Variants in CIT observed in about 807,000 individuals in gnomAD.
The protein encoded by CIT is citron rho-interacting serine/threonine kinase, also known as citron Rho-interacting kinase.
CIT carries 79 observed loss-of-function variants against 272.7 expected under a neutral mutation model. That is an observed-to-expected ratio of 0.29 (90% confidence interval 0.24 to 0.35). The LOEUF (loss-of-function observed/expected upper bound fraction) is 0.35. CIT is among the 10% of genes least tolerant of loss of function. The probability of loss-of-function intolerance (pLI) is 1.00; values close to 1 mark genes in which losing one functional copy is unlikely to be tolerated. For missense variants in CIT, 1,909 were observed against 2,618.3 expected (o/e 0.73, Z 5.91); for synonymous variants, 948 against 995.6 (o/e 0.95, Z 0.90).
intron 24 of CIT, among the ~76,000 whole-genome samples, chr12:119,740,865 C>T (rs912722919): frequency 7.9e-5 from 12 of 152,174 alleles, no homozygotes; most frequent in African/African-American, 2.9e-4. Flanking sequence ...AGGAAATCCA[C>T]AGACATTTTA....
intron 25 of CIT, 147 bp from the exon 26 acceptor site, chr12:119,734,504 C>T: frequency 2.4e-6 from 2 of 829,836 alleles, no homozygotes; most frequent in Non-Finnish European, 1.9e-6. Flanking sequence ...CCCAAGGGGA[C>T]CAGGCAAGAA....
Position 119,804,472 on chromosome 12 carries a change from G to C in CIT, c.1112-1083C>G, listed in dbSNP as rs942890888. 1.0e-6 allele frequency: 1 copy of C among 985,784 alleles called. No individual in the cohort carries two copies. The highest frequency in any genetic ancestry group is 1.2e-6 in the Non-Finnish European group (1 of 830,196). 61.1% of individuals were successfully genotyped at this position (985,784 alleles called of 1,614,324 possible). ...CACCTGGCTGCCGCCTGCCTGCCAGGGGCCAGTGCTGATCCCAGTGACAGA... is the reference window on the plus strand; with the variant it reads ...CACCTGGCTGCCGCCTGCCTGCCAGCGGCCAGTGCTGATCCCAGTGACAGA... On this transcript the variant is annotated intron_variant, in intron 9 of 47. Transcript: ENST00000392521. The surrounding 1 kb of genome is among the most constrained non-coding windows in gnomAD (Gnocchi z 5.3).
Position 119,734,265 on chromosome 12 carries a change from C to T in CIT, c.3249G>A (p.Arg1083=), listed in dbSNP as rs1413554566. ...GGACGCTCCTCCAGGCCTCCCACTG[C>T]CGCTCTTTTTCTAGCAGCTCATCGT... ...ALNDELLEKE[R]QWEAWRSVLG... The change falls in exon 26 of 48, where the codon CGG becomes CGA. Residue 1083 remains arginine (R), a synonymous_variant. Coordinates refer to ENST00000392521, the MANE Select transcript of CIT (RefSeq NM_001206999.2). 6.2e-7 allele frequency: 1 copy of T among 1,614,022 alleles called. No homozygotes were observed. The highest frequency in any genetic ancestry group is 1.3e-5 in the African/African-American group (1 of 75,000).
chr12:119,744,121 C>G (rs1322537115), intron 23 of CIT, among the ~76,000 whole-genome samples: 1 of 152,036 alleles, frequency 6.6e-6, no homozygotes, highest in African/African-American at 2.4e-5. Flanking sequence ...GTCATTCAAG[C>G]GAGAGATGAT....
intron 5 of CIT, among the ~76,000 whole-genome samples, chr12:119,844,990 C>T (rs754930683): frequency 3.8e-4 from 58 of 152,096 alleles, no homozygotes; most frequent in South Asian, 1.0e-3. Flanking sequence ...CATGGTGGCA[C>T]GCGCCTGTAA....
chr12:119,755,086 G>C (rs1960767817), intron 22 of CIT, among the ~76,000 whole-genome samples: 1 of 152,214 alleles, frequency 6.6e-6, no homozygotes. Context: ...TAAGGCTCAT[G>C]CCTGTAATCC....
intron 9 of CIT, among the ~76,000 whole-genome samples, chr12:119,820,759 T>G (rs1011185974): frequency 2.0e-5 from 3 of 152,020 alleles, no homozygotes; most frequent in African/African-American, 7.3e-5. Context: ...TCACTTGAGC[T>G]CAGGAGTTCA....
intron 23 of CIT, among the ~76,000 whole-genome samples, chr12:119,747,335 C>T (rs569622865): frequency 6.6e-6 from 1 of 151,720 alleles, no homozygotes; most frequent in East Asian, 1.9e-4. Flanking sequence ...GTAGGAAAAT[C>T]GCTTGAACCC....
chr12:119,710,239 T>C lies in CIT; in HGVS notation c.5071+12A>G. 3 of 1,611,712 alleles carry C rather than the reference T, an allele frequency of 1.9e-6. No individual in the cohort carries two copies. The highest frequency in any genetic ancestry group is 2.5e-6 in the Non-Finnish European group (3 of 1,179,416). On this transcript the variant is annotated intron_variant, in intron 39 of 47. Transcript: ENST00000392521. This position sits in a 1 kb window ranked among gnomAD's most constrained non-coding sequence, Gnocchi z 5.6. ...AAAGTAAAGAAAAAACACCATGTCCTTGGCCTCACACCTGCTATCATGAGT... is the reference window on the plus strand; with the variant it reads ...AAAGTAAAGAAAAAACACCATGTCCCTGGCCTCACACCTGCTATCATGAGT...
chr12:119,795,756 C>T (rs529073808), intron 10 of CIT, among the ~76,000 whole-genome samples: 1 of 152,312 alleles, frequency 6.6e-6, no homozygotes, highest in South Asian at 2.1e-4. Flanking sequence ...ATAATCTAAT[C>T]TTCCTGAATC....
chr12:119,767,307 T>A, intron 18 of CIT, 125 bp from the exon 19 acceptor site: 1 of 682,858 alleles, frequency 1.5e-6, no homozygotes, highest in Non-Finnish European at 2.4e-6. Flanking sequence ...GGTCCTCCAT[T>A]ACTAGCCTAA....
chr12:119,723,790 C>T (rs1423413874), intron 28 of CIT, among the ~76,000 whole-genome samples: 4 of 152,190 alleles, frequency 2.6e-5, no homozygotes, highest in African/African-American at 9.7e-5. Flanking sequence ...AGTGATTTAA[C>T]AGACCAGTGG....
rs1566003069 is a variant in CIT at position 119,761,070 on chromosome 12, GC to G, written c.2305-16del. 1 of 1,576,492 alleles carries G rather than the reference GC, an allele frequency of 6.3e-7. No homozygotes were observed. The highest frequency in any genetic ancestry group is 8.7e-7 in the Non-Finnish European group (1 of 1,145,812). On this transcript the variant is annotated splice_polypyrimidine_tract_variant and intron_variant, in intron 19 of 47. Transcript: ENST00000392521. Reference sequence around the variant, plus strand: ...TTGTCCAACACCTACAAAAACAAAAGCAGCAGCAAATGTTCTCAGGAGCCAA... The same window carrying G: ...TTGTCCAACACCTACAAAAACAAAAGAGCAGCAAATGTTCTCAGGAGCCAA...
At chr12:119,874,361 T>C (rs182155065) in intron 2 of CIT, among the ~76,000 whole-genome samples, 13 of 152,244 alleles carry the variant, frequency 8.5e-5, no homozygotes, top group Non-Finnish European at 1.3e-4. Flanking sequence ...CTACAACCTA[T>C]TTTAAAGAAT....
chr12:119,725,417 C>A (rs1265832476), intron 28 of CIT, among the ~76,000 whole-genome samples: 2 of 152,076 alleles, frequency 1.3e-5, no homozygotes, highest in African/African-American at 4.8e-5. Flanking sequence ...GAGAGCAAGA[C>A]TCTGTCTCAA....
chr12:119,711,199 C>T, intron 37 of CIT: 1 of 891,696 alleles, frequency 1.1e-6, no homozygotes, highest in Non-Finnish European at 1.7e-6. Flanking sequence ...TTTCAGGAGG[C>T]TTGTGGTTAA....
At position 119,718,835 on chromosome 12, in the gene CIT, G is replaced by T; in HGVS notation, c.3867C>A (p.Asp1289Glu). The change falls in exon 31 of 48, where the codon GAC becomes GAA. Residue 1289 changes from aspartate (D) to glutamate (E), a missense_variant. Coordinates refer to ENST00000392521, the MANE Select transcript of CIT (RefSeq NM_001206999.2). This position sits in a 1 kb window ranked among gnomAD's most constrained non-coding sequence, Gnocchi z 4.8. ...GAGGAACCTGTGTGGGTAAAGCAGGGTCCTCTTTCCGTCGACTAAATAAAC... is the reference window on the plus strand; with the variant it reads ...GAGGAACCTGTGTGGGTAAAGCAGGTTCCTCTTTCCGTCGACTAAATAAAC... ...KKGLFSRRKE[D>E]PALPTQVPLQ... 6.2e-7 allele frequency: 1 copy of T among 1,614,134 alleles called. No individual in the cohort carries two copies. The highest frequency in any genetic ancestry group is 8.5e-7 in the Non-Finnish European group (1 of 1,180,016).
intron 13 of CIT, among the ~76,000 whole-genome samples, chr12:119,781,368 T>A (rs1190927146): frequency 6.6e-6 from 1 of 152,274 alleles, no homozygotes; most frequent in Non-Finnish European, 1.5e-5. Flanking sequence ...AATTCTTTTT[T>A]TAAAGAGTAA....
At chr12:119,859,484 G>A (rs924595108) in intron 3 of CIT, among the ~76,000 whole-genome samples, 5 of 152,078 alleles carry the variant, frequency 3.3e-5, no homozygotes, top group Admixed American at 3.3e-4. Context: ...TAATGAATTG[G>A]CCAATGTCAT....
Sources: allele counts gnomAD v4.1 joint callset (sites outside exome capture counted in the v4.1 genomes callset), GRCh38; gene constraint gnomAD v4.1.1; non-coding constraint Gnocchi (gnomAD v3.1); transcripts MANE v1.5; gene names NCBI Gene and HGNC (gene_info 2026-07-23, HGNC 2026-07-21).